NAV2: variants seen among roughly 807,000 people sequenced by gnomAD.
NAV2 encodes helicase, APC down-regulated 1.
In NAV2, 54 loss-of-function variants were observed where a neutral mutation model predicts 223.2. That is an observed-to-expected ratio of 0.24 (90% CI 0.19 to 0.30). The LOEUF is 0.30. Among genes scored for constraint, NAV2 ranks in the 10% least tolerant of loss-of-function variants. The pLI is 1.00. For missense variants in NAV2, 2,806 were observed against 3,147.5 expected (o/e 0.89, Z 2.60); for synonymous variants, 1,279 against 1,239.3 (o/e 1.03, Z -0.67).
At chr11:19,622,731 G>C (rs1222492670) in intron 1 of NAV2, among the ~76,000 whole-genome samples, 8 of 152,180 alleles carry the variant, frequency 5.3e-5, no homozygotes, top group Non-Finnish European at 1.5e-5. Context: ...TTTCCAGTCT[G>C]TGTCTTTTAA....
At chr11:19,458,312 C>T (rs1269911780) in intron 1 of NAV2, among the ~76,000 whole-genome samples, 1 of 152,226 alleles carries the variant, frequency 6.6e-6, no homozygotes, top group East Asian at 1.9e-4. Flanking sequence ...CCCAGAGCCC[C>T]TTCCCACAGA....
At chr11:19,834,708 C>T (rs1005314405) in intron 2 of NAV2, among the ~76,000 whole-genome samples, 1 of 152,098 alleles carries the variant, frequency 6.6e-6, no homozygotes, top group South Asian at 2.1e-4. Context: ...GAAAACTTCC[C>T]AGGTTTTAGC....
intron 1 of NAV2, among the ~76,000 whole-genome samples, chr11:19,445,929 C>A (rs1049224270): frequency 6.6e-6 from 1 of 152,050 alleles, no homozygotes; most frequent in Non-Finnish European, 1.5e-5. Context: ...AGGCAGAAAG[C>A]GAGATTAAGT....
At chr11:19,682,690 G>A (rs189519995) in intron 1 of NAV2, among the ~76,000 whole-genome samples, 47 of 152,254 alleles carry the variant, frequency 3.1e-4, no homozygotes, top group Non-Finnish European at 5.1e-4. Flanking sequence ...TTACATGTGA[G>A]AGAGGGAGCA....
intron 1 of NAV2, among the ~76,000 whole-genome samples, chr11:19,751,899 G>T (rs1260837805): frequency 1.3e-5 from 2 of 152,068 alleles, no homozygotes; most frequent in African/African-American, 4.8e-5. Context: ...CTTGACCCAG[G>T]TGGTCAACTA....
At chr11:19,835,531 T>C (rs2060179958) in intron 2 of NAV2, among the ~76,000 whole-genome samples, 1 of 152,086 alleles carries the variant, frequency 6.6e-6, no homozygotes, top group Admixed American at 6.5e-5. Context: ...GGTCTCTTGG[T>C]GAGAGGGGGG....
At chr11:19,519,205 C>G (rs2043562680) in intron 1 of NAV2, among the ~76,000 whole-genome samples, 1 of 152,208 alleles carries the variant, frequency 6.6e-6, no homozygotes, top group African/African-American at 2.4e-5. Context: ...TTCCCAAAAT[C>G]TTTGTGGAAC....
At chr11:19,652,310 T>A (rs2047993354) in intron 1 of NAV2, among the ~76,000 whole-genome samples, 1 of 152,102 alleles carries the variant, frequency 6.6e-6, no homozygotes, top group African/African-American at 2.4e-5. Context: ...AGAGCTGACA[T>A]GCAGGGTGGG....
chr11:19,508,405 C>T (rs1222662695), intron 1 of NAV2, among the ~76,000 whole-genome samples: 4 of 152,172 alleles, frequency 2.6e-5, no homozygotes, highest in Non-Finnish European at 5.9e-5. Context: ...CAAAACCAGC[C>T]CCTTGGACTT....
At chr11:20,049,219 C>G in intron 15 of NAV2, 24 bp downstream of exon 15, 5 of 1,497,950 alleles carry the variant, frequency 3.3e-6, no homozygotes, top group Non-Finnish European at 4.5e-6. Flanking sequence ...CTCTGGCTGC[C>G]TTTCTCAGAA....
chr11:19,348,631 A>G (rs1232544142), upstream of NAV2, among the ~76,000 whole-genome samples: 15 of 152,246 alleles, frequency 9.9e-5, no homozygotes, highest in Non-Finnish European at 1.6e-4. Context: ...TGTGCTGAAT[A>G]AATGAATATA....
intron 26 of NAV2, among the ~76,000 whole-genome samples, chr11:20,084,014 G>T (rs768962555): frequency 1.5e-4 from 23 of 152,344 alleles, no homozygotes; most frequent in Non-Finnish European, 5.9e-5. Flanking sequence ...CTGTCCAGAG[G>T]CCAGATCTTT....
At chr11:19,447,888 C>T (rs936185478) in intron 1 of NAV2, among the ~76,000 whole-genome samples, 6 of 152,228 alleles carry the variant, frequency 3.9e-5, no homozygotes, top group South Asian at 2.1e-4. Flanking sequence ...CAGGGACCCC[C>T]GCCTCCATGC....
At chr11:19,394,524 T>G (rs1849374125) in intron 1 of NAV2, among the ~76,000 whole-genome samples, 2 of 152,046 alleles carry the variant, frequency 1.3e-5, no homozygotes, top group Admixed American at 1.3e-4. Flanking sequence ...TGAGGAGCGA[T>G]GGCTCTTGTC....
intron 1 of NAV2, among the ~76,000 whole-genome samples, chr11:19,787,713 A>C (rs1415430072): frequency 1.3e-5 from 2 of 152,202 alleles, no homozygotes; most frequent in African/African-American, 4.8e-5. Context: ...CTCTGAATTC[A>C]GACCCAGGAA....
chr11:19,865,289 G>C (rs1236622128), intron 3 of NAV2, among the ~76,000 whole-genome samples: 1 of 152,144 alleles, frequency 6.6e-6, no homozygotes, highest in East Asian at 1.9e-4. Flanking sequence ...CTGCTGCTGG[G>C]GCTGTTCCCC....
rs1041398667 is a variant in NAV2, at chr11:19,799,783, A to C, written c.268-32701A>C. Among the ~76,000 whole-genome samples, 22 of 151,532 alleles carry C rather than the reference A, an allele frequency of 1.5e-4. 1 individual carries two copies. The highest frequency in any genetic ancestry group is 5.3e-4 in the African/African-American group (22 of 41,246). On this transcript the variant is annotated intron_variant, in intron 1 of 37. Coordinates refer to ENST00000349880, the MANE Select transcript of NAV2 (RefSeq NM_145117.5). ...GTGCGGGTGCTTTTCGGAACCCACCACCCCCCACACCTGCCCTGTTCTTTC... is the reference window on the plus strand; with the variant it reads ...GTGCGGGTGCTTTTCGGAACCCACCCCCCCCCACACCTGCCCTGTTCTTTC...
At chr11:19,673,252 T>A (rs2048619142) in intron 1 of NAV2, among the ~76,000 whole-genome samples, 1 of 152,282 alleles carries the variant, frequency 6.6e-6, no homozygotes. Flanking sequence ...TTGAGTTTTA[T>A]GAATATATTC....
chr11:19,638,449 A>G (rs80160169), intron 1 of NAV2, among the ~76,000 whole-genome samples: 272 of 152,338 alleles, frequency 1.8e-3, no homozygotes, highest in African/African-American at 6.2e-3. Context: ...CTGAGTTGCA[A>G]GCCTCATTTT....
Sources: allele counts gnomAD v4.1 joint callset (sites outside exome capture counted in the v4.1 genomes callset), GRCh38; gene constraint gnomAD v4.1.1; transcripts MANE v1.5; gene names NCBI Gene and HGNC (gene_info 2026-07-23, HGNC 2026-07-21).